The following SYNE1 variants were observed in gnomAD, a reference collection of about 807,000 sequenced individuals.
The protein encoded by SYNE1 is spectrin repeat containing nuclear envelope protein 1.
SYNE1 carries 616 observed loss-of-function variants against 1,111.0 expected under a neutral mutation model. The observed-to-expected ratio is 0.55, with a 90% CI of 0.52 to 0.59. The LOEUF is 0.59. Ranked by LOEUF, SYNE1 falls within the 20% of genes least tolerant of loss-of-function variation. The pLI, the probability that SYNE1 is intolerant of heterozygous loss-of-function variation, is 0.00. For missense variants in SYNE1, 10,006 were observed against 10,417.0 expected, an observed-to-expected ratio of 0.96 and a Z score of 1.72; for synonymous variants, 3,855 against 3,825.8, an observed-to-expected ratio of 1.01 and a Z score of -0.28.
chr6:152,324,671 G>T (rs1056911474), intron 81 of SYNE1, among the ~76,000 whole-genome samples: 2 of 152,102 alleles, frequency 1.3e-5, no homozygotes, highest in Non-Finnish European at 2.9e-5. Flanking sequence ...GCGGGCGCCT[G>T]TAGTCCCAGC....
chr6:152,206,291 A>G lies in SYNE1; in HGVS notation c.22896T>C (p.Leu7632=). The G allele has an allele frequency of 6.2e-7, 1 of 1,613,910 alleles. No homozygotes were observed. Among genetic ancestry groups the G allele is most frequent in the Non-Finnish European group, 8.5e-7 (1 of 1,179,890 alleles). The change falls in exon 126 of 146, where the codon CTT becomes CTC. Residue 7632 remains leucine (L), a synonymous_variant. Coordinates refer to ENST00000367255, the MANE Select transcript of SYNE1 (RefSeq NM_182961.4). ...CCTCAGCGCCACTGTCCGCCGAGAG[A>G]AGGAGTTGCTTGCCAGCCTCCACAG... ...ILTVEAGKQL[L]LSADSGAEAA...
At position 152,309,825 on chromosome 6, in the gene SYNE1, C is replaced by G. The variant is rs770863791; in HGVS notation, c.17202+10G>C. ...CAATTGCTCTACTGGTGTGGGTACCCTGCACCTGCCTGCATGATGTTACAC... is the reference window on the plus strand; with the variant it reads ...CAATTGCTCTACTGGTGTGGGTACCGTGCACCTGCCTGCATGATGTTACAC... On this transcript the variant is annotated intron_variant, in intron 90 of 145. Coordinates refer to ENST00000367255, the MANE Select transcript of SYNE1 (RefSeq NM_182961.4). 2 of 1,613,420 alleles carry G rather than the reference C, an allele frequency of 1.2e-6. No homozygotes were observed. The highest frequency in any genetic ancestry group is 2.2e-5 in the East Asian group (1 of 44,866).
chr6:152,408,975 A>C, intron 44 of SYNE1, 93 bp downstream of exon 44: 1 of 1,272,918 alleles, frequency 7.9e-7, no homozygotes, highest in East Asian at 2.4e-5. Context: ...AAAAAAAGTG[A>C]AATTCACATC....
chr6:152,635,936 GCTT>G (rs1304700409), intron 2 of SYNE1, among the ~76,000 whole-genome samples: 7 of 152,266 alleles, frequency 4.6e-5, no homozygotes, highest in Admixed American at 3.3e-4. Context: ...TTCCCAAGGG[GCTT>G]CTTCCTGTGC....
Position 152,455,980 on chromosome 6 carries a change from C to A in SYNE1, c.2633G>T (p.Ser878Ile). ...TLTLIEKGSQ[S>I]VQKFVTLSNV... Reference sequence around the variant, plus strand: ...GCTCAAGGTCACAAACTTTTGAACACTTTGACTGCCTTTCTCAATAAGTGT... The same window carrying A: ...GCTCAAGGTCACAAACTTTTGAACAATTTGACTGCCTTTCTCAATAAGTGT... The change falls in exon 23 of 146, where the codon AGT becomes ATT. Residue 878 changes from serine (S) to isoleucine (I), a missense_variant. Physicochemically the swap from Ser to Ile is moderately radical, Grantham distance 142. Transcript: ENST00000367255. 2.5e-6 allele frequency: 4 copies of A among 1,614,118 alleles called. No individual in the cohort carries two copies. The highest frequency in any genetic ancestry group is 3.4e-6 in the Non-Finnish European group (4 of 1,180,012).
intron 127 of SYNE1, among the ~76,000 whole-genome samples, chr6:152,191,688 CA>C (rs1303281921): frequency 2.0e-5 from 3 of 151,968 alleles, no homozygotes; most frequent in African/African-American, 7.2e-5. Context: ...TTTATCTTTT[CA>C]AAAAATAAAC....
At position 152,498,839 on chromosome 6, in the gene SYNE1, G is replaced by T. The variant is rs368783474; in HGVS notation, c.889-47C>A. 333 of 1,117,156 alleles carry T rather than the reference G, an allele frequency of 3.0e-4. 2 individuals are homozygous for T. The African/African-American group carries it at 4.8e-3, about 16-fold the overall frequency. 69.2% of individuals were successfully genotyped at this position (1,117,156 alleles called of 1,614,324 possible). A position where few individuals can be genotyped will look rare whatever the true frequency, so the allele number is the denominator to read the frequency against. On this transcript the variant is annotated intron_variant, in intron 10 of 145. Transcript: ENST00000367255. Reference sequence around the variant, plus strand: ...ATATAGAAATATAATATAAATCAGGGTCAAAAATTATTTAGAAAACAAGAA... The same window carrying T: ...ATATAGAAATATAATATAAATCAGGTTCAAAAATTATTTAGAAAACAAGAA...
chr6:152,277,867 G>A (rs760015415), intron 98 of SYNE1: 15 of 602,064 alleles, frequency 2.5e-5, no homozygotes, highest in Non-Finnish European at 3.6e-5. Flanking sequence ...CCACCACTCC[G>A]CTGAACAGCT....
chr6:152,291,806 C>T (rs550685507), intron 95 of SYNE1, among the ~76,000 whole-genome samples: 3 of 152,312 alleles, frequency 2.0e-5, no homozygotes, highest in East Asian at 3.9e-4. Flanking sequence ...ACTACTTAAA[C>T]TTTCTGCAAC....
chr6:152,335,393 T>TAAG (rs1211859589), intron 76 of SYNE1: 16 of 152,376 alleles, frequency 1.1e-4, no homozygotes, highest in African/African-American at 3.8e-4. Flanking sequence ...ATTTGCTTAT[T>TAAG]AAGACATTTC....
chr6:152,144,517 C>T (rs996859760), intron 137 of SYNE1: 2 of 151,432 alleles, frequency 1.3e-5, no homozygotes, highest in Non-Finnish European at 2.9e-5. Context: ...TCAAAGTCTT[C>T]GAACTACACA....
At chr6:152,472,019 G>T (rs1333611884) in intron 15 of SYNE1, 2 of 590,766 alleles carry the variant, frequency 3.4e-6, no homozygotes, top group Non-Finnish European at 5.9e-6. Context: ...AGCTGTTTTT[G>T]CAATATTACA....
chr6:152,162,658 T>G (rs964332065), intron 131 of SYNE1, among the ~76,000 whole-genome samples: 1 of 152,168 alleles, frequency 6.6e-6, no homozygotes, highest in Admixed American at 6.5e-5. Context: ...TCATAAAAAT[T>G]GAAAAACGTC....
At position 152,390,350 on chromosome 6, in the gene SYNE1, T is replaced by G; in HGVS notation, c.8107A>C (p.Ile2703Leu). The change falls in exon 53 of 146, where the codon ATT becomes CTT. Residue 2703 changes from isoleucine to leucine, a missense_variant. Transcript: ENST00000367255. Reference protein sequence around the residue: ...RSSNKEGQRVIQTQLETLKEV... With the variant: ...RSSNKEGQRVLQTQLETLKEV... Reference sequence around the variant, plus strand: ...TTAAGGGTCTCTAACTGAGTCTGAATCACCCTCTGACCTTCTTTGTTGCTA... The same window carrying G: ...TTAAGGGTCTCTAACTGAGTCTGAAGCACCCTCTGACCTTCTTTGTTGCTA... The G allele has an allele frequency of 6.2e-7, 1 of 1,614,172 alleles. No homozygotes were observed. Among genetic ancestry groups the G allele is most frequent in the Non-Finnish European group, 8.5e-7 (1 of 1,180,020 alleles).
In SYNE1 at chr6:152,453,569, G is replaced by A. The variant is rs375786325; in HGVS notation, c.3027+17C>T. ...TTCATTGAGGATGCACGGTGTCTCC[G>A]TCCTGTCCTGACTCACCTTCCATTG... On this transcript the variant is annotated intron_variant, in intron 25 of 145. Coordinates refer to ENST00000367255, the MANE Select transcript of SYNE1 (RefSeq NM_182961.4). 2.3e-4 allele frequency: 367 copies of A among 1,614,170 alleles called. 1 individual carries two copies. In the African/African-American group the frequency reaches 3.8e-3, roughly 17 times the overall value.
At chr6:152,195,494 G>A (rs1296217362) in intron 127 of SYNE1, among the ~76,000 whole-genome samples, 1 of 151,606 alleles carries the variant, frequency 6.6e-6, no homozygotes, top group Non-Finnish European at 1.5e-5. Context: ...TTTAGTCACT[G>A]CAGTCAAATC....
chr6:152,314,989 C>G (rs1428424303), intron 87 of SYNE1, among the ~76,000 whole-genome samples: 4 of 143,772 alleles, frequency 2.8e-5, no homozygotes, highest in Non-Finnish European at 6.1e-5. Context: ...GAAATGCTGT[C>G]TCAAAAAAGA....
At chr6:152,142,595 C>T (rs950099125) in intron 138 of SYNE1, among the ~76,000 whole-genome samples, 9 of 152,186 alleles carry the variant, frequency 5.9e-5, no homozygotes, top group Non-Finnish European at 1.2e-4. Context: ...AATCCTTTAA[C>T]AAATCACAAT....
At chr6:152,132,976 A>G (rs1562903224) in intron 143 of SYNE1, among the ~76,000 whole-genome samples, 1 of 152,028 alleles carries the variant, frequency 6.6e-6, no homozygotes, top group Non-Finnish European at 1.5e-5. Context: ...ATGGCTGTGT[A>G]ATTAAAGTGT....
Sources: allele counts gnomAD v4.1 joint callset (sites outside exome capture counted in the v4.1 genomes callset), GRCh38; gene constraint gnomAD v4.1.1; transcripts MANE v1.5; gene names NCBI Gene and HGNC (gene_info 2026-07-23, HGNC 2026-07-21).